HNF4G: variants seen among roughly 807,000 people sequenced by gnomAD.
The protein encoded by HNF4G is hepatocyte nuclear factor 4 gamma.
HNF4G carries 21 observed loss-of-function variants against 50.9 expected under a neutral mutation model. That is an observed-to-expected ratio of 0.41 (90% CI 0.29 to 0.59). HNF4G has a LOEUF of 0.59. HNF4G is among the 20% of genes least tolerant of loss of function. The pLI is 0.26. For synonymous variants in HNF4G, 198 were observed against 185.6 expected, an observed-to-expected ratio of 1.07 and a Z score of -0.54; for missense variants, 527 against 559.4, an observed-to-expected ratio of 0.94 and a Z score of 0.58.
chr8:75,411,687 A>G (rs1406452043), intron 1 of HNF4G, among the ~76,000 whole-genome samples: 2 of 152,128 alleles, frequency 1.3e-5, no homozygotes, highest in African/African-American at 4.8e-5. Context: ...GTCTTTAAGG[A>G]TGACTAGCTT....
intron 2 of HNF4G, among the ~76,000 whole-genome samples, chr8:75,511,183 T>C (rs979683204): frequency 1.3e-5 from 2 of 152,192 alleles, no homozygotes; most frequent in Admixed American, 1.3e-4. Context: ...ATTTGGGATT[T>C]CATTTTATGA....
intron 2 of HNF4G, among the ~76,000 whole-genome samples, chr8:75,518,051 A>G (rs113963330): frequency 0.032 from 4,880 of 151,222 alleles, 114 homozygotes; most frequent in Non-Finnish European, 0.05. Flanking sequence ...GGTTTGTTAC[A>G]TATGTATACT....
At chr8:75,560,292 T>G in intron 8 of HNF4G, 52 bp from the exon 9 acceptor site, 1 of 1,586,128 alleles carries the variant, frequency 6.3e-7, no homozygotes, top group Non-Finnish European at 8.6e-7. Context: ...CAAGGTAAAC[T>G]TGCTGTTCCT....
chr8:75,478,837 C>T (rs1300829689), intron 1 of HNF4G, among the ~76,000 whole-genome samples: 2 of 152,136 alleles, frequency 1.3e-5, no homozygotes, highest in Admixed American at 6.5e-5. Flanking sequence ...GATTCTCCTG[C>T]CTCAGCCTCC....
intron 2 of HNF4G, among the ~76,000 whole-genome samples, chr8:75,514,500 G>A (rs1805843233): frequency 6.6e-6 from 1 of 150,982 alleles, no homozygotes; most frequent in Non-Finnish European, 1.5e-5. Flanking sequence ...CTACAGGTGT[G>A]TGCCACCACA....
intron 1 of HNF4G, among the ~76,000 whole-genome samples, chr8:75,409,109 A>G (rs552425522): frequency 1.8e-3 from 278 of 152,268 alleles, no homozygotes; most frequent in Middle Eastern, 0.01. Context: ...TGGTCGAAGT[A>G]GGTGACCAAG....
At chr8:75,454,478 C>T (rs1811671360) in intron 1 of HNF4G, among the ~76,000 whole-genome samples, 1 of 152,156 alleles carries the variant, frequency 6.6e-6, no homozygotes, top group East Asian at 1.9e-4. Flanking sequence ...TAATAGTAAG[C>T]ACACAGTAGT....
chr8:75,559,867 A>G (rs763631461), intron 8 of HNF4G, among the ~76,000 whole-genome samples: 2 of 152,214 alleles, frequency 1.3e-5, no homozygotes, highest in African/African-American at 4.8e-5. Flanking sequence ...GTTGCAATAC[A>G]TGTCAGGAAT....
chr8:75,528,220 C>A (rs1806232679), intron 2 of HNF4G, among the ~76,000 whole-genome samples: 1 of 152,106 alleles, frequency 6.6e-6, no homozygotes, highest in Admixed American at 6.5e-5. Context: ...TAGTGGCATG[C>A]AATAATATGG....
chr8:75,451,510 A>T (rs1811583450), intron 1 of HNF4G, among the ~76,000 whole-genome samples: 1 of 151,986 alleles, frequency 6.6e-6, no homozygotes, highest in Non-Finnish European at 1.5e-5. Context: ...TGTTGAGTTG[A>T]TTTTTGTAAA....
chr8:75,484,872 A>G (rs1235109410), intron 1 of HNF4G, among the ~76,000 whole-genome samples: 1 of 152,210 alleles, frequency 6.6e-6, no homozygotes, highest in East Asian at 1.9e-4. Flanking sequence ...TGAAGTAGAA[A>G]CCATATTTAT....
intron 2 of HNF4G, among the ~76,000 whole-genome samples, chr8:75,496,679 T>C (rs953613235): frequency 6.6e-6 from 1 of 152,072 alleles, no homozygotes; most frequent in African/African-American, 2.4e-5. Flanking sequence ...AAGGAGCTCC[T>C]ATAATATTTG....
intron 2 of HNF4G, among the ~76,000 whole-genome samples, chr8:75,497,754 G>A (rs781276097): frequency 6.6e-6 from 1 of 151,634 alleles, no homozygotes; most frequent in Non-Finnish European, 1.5e-5. Context: ...ATCATTATAA[G>A]ATTCCTAGAA....
intron 1 of HNF4G, among the ~76,000 whole-genome samples, chr8:75,462,706 A>G (rs1364913308): frequency 6.6e-6 from 1 of 152,202 alleles, no homozygotes; most frequent in Non-Finnish European, 1.5e-5. Context: ...ACGGTAGTGT[A>G]ATATAATAGA....
chr8:75,463,072 T>TG (rs1259173632), intron 1 of HNF4G, among the ~76,000 whole-genome samples: 2 of 151,604 alleles, frequency 1.3e-5, no homozygotes, highest in Admixed American at 6.6e-5. Context: ...TTTTGTTTTT[T>TG]TTTTTTCTGT....
At chr8:75,525,435 TG>T (rs1806152369) in intron 2 of HNF4G, among the ~76,000 whole-genome samples, 1 of 152,200 alleles carries the variant, frequency 6.6e-6, no homozygotes, top group African/African-American at 2.4e-5. Flanking sequence ...CCCAAAGTTC[TG>T]GAATTACAGG....
At chr8:75,505,594 A>T (rs1813058918) in intron 2 of HNF4G, among the ~76,000 whole-genome samples, 1 of 151,796 alleles carries the variant, frequency 6.6e-6, no homozygotes, top group South Asian at 2.1e-4. Context: ...TTACCTCTCA[A>T]TTTTTTTGAG....
intron 1 of HNF4G, among the ~76,000 whole-genome samples, chr8:75,472,524 T>C (rs1812138466): frequency 6.6e-6 from 1 of 152,216 alleles, no homozygotes; most frequent in Non-Finnish European, 1.5e-5. Flanking sequence ...GAGCTAAGAC[T>C]AGAACTCAGT....
intron 1 of HNF4G, 27 bp downstream of exon 1, chr8:75,540,107 A>G (rs1439971736): frequency 1.6e-6 from 2 of 1,248,086 alleles, no homozygotes; most frequent in Non-Finnish European, 2.4e-6. Flanking sequence ...TTATAGATGT[A>G]AAGAAAAGTA....
Sources: allele counts gnomAD v4.1 joint callset (sites outside exome capture counted in the v4.1 genomes callset), GRCh38; gene constraint gnomAD v4.1.1; transcripts MANE v1.5; gene names NCBI Gene and HGNC (gene_info 2026-07-23, HGNC 2026-07-21).